Variants in PPARGC1A observed in about 807,000 individuals in gnomAD.
PPARGC1A encodes the protein peroxisome proliferator-activated receptor gamma coactivator 1-alpha.
PPARGC1A carries 25 observed loss-of-function variants against 88.7 expected under a neutral mutation model. That is an observed-to-expected ratio of 0.28 (90% CI 0.21 to 0.39). The LOEUF is 0.39. Among genes scored for constraint, PPARGC1A ranks in the 10% least tolerant of loss-of-function variants. The probability of loss-of-function intolerance (pLI) is 1.00; values close to 1 mark genes in which losing one functional copy is unlikely to be tolerated. For synonymous variants in PPARGC1A, 363 were observed against 355.6 expected, an observed-to-expected ratio of 1.02 and a Z score of -0.24; for missense variants, 880 against 968.7, an observed-to-expected ratio of 0.91 and a Z score of 1.22.
chr4:24,412,951 A>G, the PPARGC1A span, among the ~76,000 whole-genome samples: 1 of 152,238 alleles, frequency 6.6e-6, no homozygotes, highest in Non-Finnish European at 1.5e-5. Context: ...CCCTGCACAG[A>G]AGAATCAGAC....
At chr4:24,355,222 T>C in the PPARGC1A span, among the ~76,000 whole-genome samples, 1 of 152,200 alleles carries the variant, frequency 6.6e-6, no homozygotes, top group Non-Finnish European at 1.5e-5. Flanking sequence ...CATCATCCTT[T>C]CTATAGCTTA....
chr4:24,365,719 AT>A, the PPARGC1A span, among the ~76,000 whole-genome samples: 1 of 151,842 alleles, frequency 6.6e-6, no homozygotes, highest in East Asian at 1.9e-4. Flanking sequence ...CATATTTTCT[AT>A]TTTTTCATAA....
the PPARGC1A span, among the ~76,000 whole-genome samples, chr4:24,033,469 T>C: frequency 1.8e-4 from 28 of 151,800 alleles, no homozygotes; most frequent in Admixed American, 1.7e-3. Context: ...AAGAGCAGTG[T>C]AAGAGAGAAT....
chr4:23,969,739 A>C, the PPARGC1A span, among the ~76,000 whole-genome samples: 2 of 152,098 alleles, frequency 1.3e-5, no homozygotes, highest in Non-Finnish European at 2.9e-5. Context: ...CTGATGATTT[A>C]TTTCTTTCTG....
At chr4:24,257,302 A>C in the PPARGC1A span, among the ~76,000 whole-genome samples, 2 of 152,168 alleles carry the variant, frequency 1.3e-5, no homozygotes, top group Non-Finnish European at 2.9e-5. Flanking sequence ...GCATGAATCC[A>C]AGGATTACTC....
the PPARGC1A span, among the ~76,000 whole-genome samples, chr4:23,933,774 A>G: frequency 6.6e-6 from 1 of 152,342 alleles, no homozygotes; most frequent in East Asian, 1.9e-4. Context: ...GCACTTTCAC[A>G]TACATCACCT....
At chr4:23,948,149 C>A in the PPARGC1A span, among the ~76,000 whole-genome samples, 2 of 152,200 alleles carry the variant, frequency 1.3e-5, no homozygotes, top group African/African-American at 4.8e-5. Flanking sequence ...TAAATTCATT[C>A]ATCTATTCAA....
the PPARGC1A span, among the ~76,000 whole-genome samples, chr4:24,453,889 A>G: frequency 6.6e-6 from 1 of 151,950 alleles, no homozygotes; most frequent in African/African-American, 2.4e-5. Flanking sequence ...AGATACTCCA[A>G]TCAAAAGGTA....
the PPARGC1A span, among the ~76,000 whole-genome samples, chr4:24,227,144 G>A: frequency 6.6e-6 from 1 of 151,836 alleles, no homozygotes; most frequent in Non-Finnish European, 1.5e-5. Flanking sequence ...GAGTGCAGTG[G>A]TGCGATCTCG....
At chr4:24,274,071 A>T in the PPARGC1A span, among the ~76,000 whole-genome samples, 2 of 151,954 alleles carry the variant, frequency 1.3e-5, no homozygotes, top group Non-Finnish European at 2.9e-5. Context: ...TGGGGCAGCA[A>T]CTTCTTGATA....
At chr4:23,807,331 A>G (rs1719988672) in intron 10 of PPARGC1A, among the ~76,000 whole-genome samples, 1 of 152,192 alleles carries the variant, frequency 6.6e-6, no homozygotes, top group South Asian at 2.1e-4. Flanking sequence ...GCCTACTACT[A>G]GGGGGTGTTC....
chr4:24,234,270 T>C, the PPARGC1A span, among the ~76,000 whole-genome samples: 1 of 152,206 alleles, frequency 6.6e-6, no homozygotes, highest in Non-Finnish European at 1.5e-5. Context: ...ATCTTCACAC[T>C]ACCTGTTTAT....
the PPARGC1A span, among the ~76,000 whole-genome samples, chr4:24,265,640 T>C: frequency 6.6e-6 from 1 of 152,100 alleles, no homozygotes; most frequent in Non-Finnish European, 1.5e-5. Flanking sequence ...CTATGATTAG[T>C]CCAAAAATTG....
the PPARGC1A span, among the ~76,000 whole-genome samples, chr4:24,250,426 G>C: frequency 6.6e-6 from 1 of 152,172 alleles, no homozygotes; most frequent in Non-Finnish European, 1.5e-5. Flanking sequence ...TATCCAAGGA[G>C]AGATACAGGA....
the PPARGC1A span, among the ~76,000 whole-genome samples, chr4:24,320,277 G>GA: frequency 6.6e-6 from 1 of 152,160 alleles, no homozygotes; most frequent in Non-Finnish European, 1.5e-5. Flanking sequence ...CACATCACAA[G>GA]AAGGAAGAAA....
chr4:24,104,994 C>T, the PPARGC1A span, among the ~76,000 whole-genome samples: 1 of 152,182 alleles, frequency 6.6e-6, no homozygotes. Flanking sequence ...TATTAAATCA[C>T]AGTGTGAACA....
intron 8 of PPARGC1A, 90 bp downstream of exon 8, chr4:23,813,600 C>A (rs1721353371): frequency 2.4e-6 from 3 of 1,234,870 alleles, no homozygotes; most frequent in Admixed American, 2.8e-5. Context: ...GCCAGAATGG[C>A]TGCAGATTTC....
intron 2 of PPARGC1A, among the ~76,000 whole-genome samples, chr4:23,832,328 T>C (rs540226392): frequency 2.0e-5 from 3 of 152,292 alleles, no homozygotes; most frequent in African/African-American, 7.2e-5. Context: ...CTCCCAACTT[T>C]AGTCATAAAT....
the PPARGC1A span, among the ~76,000 whole-genome samples, chr4:24,409,571 C>T: frequency 4.5e-4 from 69 of 152,264 alleles, no homozygotes; most frequent in Middle Eastern, 3.4e-3. Context: ...AAGGCCCTGA[C>T]AATATTATAT....
Sources: gnomAD v4.1 joint callset for allele counts (sites outside exome capture counted in the v4.1 genomes callset) on GRCh38, gnomAD v4.1.1 for gene constraint, MANE v1.5 for transcripts, NCBI Gene and HGNC (gene_info 2026-07-23, HGNC 2026-07-21) for gene names.